AGPS: variants seen among roughly 807,000 people sequenced by gnomAD.
AGPS encodes the protein alkylglycerone phosphate synthase.
A neutral mutation model predicts 90.7 loss-of-function variants in AGPS; 26 were observed. The ratio of observed to expected loss-of-function variants is 0.29; its 90% CI spans 0.21 to 0.40. The LOEUF is 0.40. Ranked by LOEUF, AGPS falls within the 10% of genes least tolerant of loss-of-function variation. The probability of loss-of-function intolerance (pLI) is 1.00; values close to 1 mark genes in which losing one functional copy is unlikely to be tolerated. For missense variants in AGPS, 540 were observed against 816.1 expected (o/e 0.66, Z 4.12); for synonymous variants, 294 against 285.3 (o/e 1.03, Z -0.31).
chr2:177,512,849 T>C (rs1467387228), intron 16 of AGPS, among the ~76,000 whole-genome samples: 17 of 152,210 alleles, frequency 1.1e-4, no homozygotes. Flanking sequence ...ATCATGATTA[T>C]AATTTATTTT....
intron 8 of AGPS, among the ~76,000 whole-genome samples, chr2:177,460,195 TA>T (rs1009093571): frequency 1.7e-4 from 26 of 152,198 alleles, no homozygotes; most frequent in African/African-American, 6.3e-4. Context: ...GGGATAACAT[TA>T]GGAGAAATAC....
rs537140895 is a variant in AGPS, at chr2:177,440,815, A to G, written c.638-150A>G. On this transcript the variant is annotated intron_variant, in intron 5 of 19. Coordinates refer to ENST00000264167, the MANE Select transcript of AGPS (RefSeq NM_003659.4). ...TCAAAATGAAAAGTTAAAAAGGTAAAGTGTTTTAGTACTCAATTAACTCAT... is the reference window on the plus strand; with the variant it reads ...TCAAAATGAAAAGTTAAAAAGGTAAGGTGTTTTAGTACTCAATTAACTCAT... The G allele has an allele frequency of 9.7e-6, 6 of 618,334 alleles. No individual in the cohort carries two copies. The South Asian group carries it at 1.2e-4, about 13-fold the overall frequency. 38.3% of individuals were successfully genotyped at this position (618,334 alleles called of 1,614,324 possible). A position where few individuals can be genotyped will look rare whatever the true frequency, so the allele number is the denominator to read the frequency against.
chr2:177,465,341 T>G (rs1039128119), intron 9 of AGPS, among the ~76,000 whole-genome samples: 1 of 152,102 alleles, frequency 6.6e-6, no homozygotes, highest in African/African-American at 2.4e-5. Flanking sequence ...TTTGAACACT[T>G]TTAACATCTT....
chr2:177,446,569 CAGGAAAACATGAAGAGTT>C, intron 8 of AGPS, among the ~76,000 whole-genome samples: 1 of 152,070 alleles, frequency 6.6e-6, no homozygotes, highest in Non-Finnish European at 1.5e-5. Context: ...AGGATCAAGC[CAGGAAAACATGAAGAGTT>C]CAGATCATAA....
intron 8 of AGPS, among the ~76,000 whole-genome samples, chr2:177,448,504 G>T (rs768708016): frequency 1.3e-5 from 2 of 152,022 alleles, no homozygotes; most frequent in Non-Finnish European, 1.5e-5. Flanking sequence ...TTCAAACTCC[G>T]CATTTTAAAA....
chr2:177,536,080 A>G (rs2079181311), intron 19 of AGPS, among the ~76,000 whole-genome samples: 1 of 152,174 alleles, frequency 6.6e-6, no homozygotes. Flanking sequence ...TTCATTAAAT[A>G]TGCAATGGCT....
chr2:177,434,881 T>C (rs965964615), intron 3 of AGPS, among the ~76,000 whole-genome samples: 1 of 151,196 alleles, frequency 6.6e-6, no homozygotes, highest in African/African-American at 2.4e-5. Context: ...ATATTTAGAA[T>C]ATTTGAAGAA....
At chr2:177,467,274 C>A (rs748378915) in intron 9 of AGPS, among the ~76,000 whole-genome samples, 2 of 152,122 alleles carry the variant, frequency 1.3e-5, no homozygotes, top group Non-Finnish European at 2.9e-5. Context: ...CAGGTTTGCA[C>A]CATTGTTTTT....
At position 177,436,879 on chromosome 2, in the gene AGPS, C is replaced by A; in HGVS notation, c.557C>A (p.Ala186Asp). Residue 186 changes from alanine to aspartate, a missense_variant, in exon 4 of 20, where the codon GCT becomes GAT. By Grantham distance (126) the Ala-to-Asp change is moderately radical (BLOSUM62 -2). Transcript: ENST00000264167. ...SQEADDRVFR[A>D]HGHCLHEIFL... ...GAGGCAGATGATCGAGTATTTAGAGCTCATGGTAAGTTACTTTATATTAGC... is the reference window on the plus strand; with the variant it reads ...GAGGCAGATGATCGAGTATTTAGAGATCATGGTAAGTTACTTTATATTAGC... The A allele has an allele frequency of 6.2e-7, 1 of 1,612,512 alleles. No homozygotes were observed. The highest frequency in any genetic ancestry group is 8.5e-7 in the Non-Finnish European group (1 of 1,178,906).
In AGPS at chr2:177,538,153, T is replaced by C. The variant is rs977477211; in HGVS notation, c.1935T>C (p.Tyr645=). ...GFGMLKSVKE[Y]VDPNNIFGNR... ...GGATGCTGAAGTCTGTCAAGGAATA[T>C]GTGGACCCCAATAACATCTTTGGAA... The change falls in exon 20 of 20, where the codon TAT becomes TAC. Residue 645 remains tyrosine, a synonymous_variant. Coordinates refer to ENST00000264167, the MANE Select transcript of AGPS (RefSeq NM_003659.4). The C allele has an allele frequency of 1.9e-6, 3 of 1,612,910 alleles. No homozygotes were observed. Among genetic ancestry groups the C allele is most frequent in the African/African-American group, 1.3e-5 (1 of 74,854 alleles).
intron 1 of AGPS, chr2:177,393,526 G>A (rs1685085150): frequency 2.0e-6 from 2 of 985,240 alleles, no homozygotes; most frequent in South Asian, 4.7e-5. Flanking sequence ...GTGCTGACTG[G>A]TTTCTGTGGG....
intron 5 of AGPS, among the ~76,000 whole-genome samples, chr2:177,440,203 A>G (rs2105635849): frequency 6.6e-6 from 1 of 152,224 alleles, no homozygotes; most frequent in East Asian, 1.9e-4. Flanking sequence ...TTTAAATAAT[A>G]GGTATTTGAA....
intron 9 of AGPS, among the ~76,000 whole-genome samples, chr2:177,467,517 C>T (rs1687489493): frequency 6.6e-6 from 1 of 152,076 alleles, no homozygotes; most frequent in African/African-American, 2.4e-5. Context: ...AGCCAAATTG[C>T]CCTATAAAAA....
At chr2:177,468,550 G>GA in intron 10 of AGPS, 26 bp downstream of exon 10, 2 of 1,490,974 alleles carry the variant, frequency 1.3e-6, no homozygotes, top group African/African-American at 1.4e-5. Context: ...AATTTATTAA[G>GA]AAAAAATACA....
chr2:177,502,958 T>C (rs955429170), intron 14 of AGPS, among the ~76,000 whole-genome samples: 1 of 152,238 alleles, frequency 6.6e-6, no homozygotes, highest in Non-Finnish European at 1.5e-5. Context: ...ACAGTTTTCA[T>C]GTGCTAGTTT....
chr2:177,480,514 T>C (rs1212280303), intron 10 of AGPS, among the ~76,000 whole-genome samples: 3 of 151,608 alleles, frequency 2.0e-5, no homozygotes, highest in African/African-American at 2.4e-5. Context: ...CACTCATAGG[T>C]GGGAGTTGAA....
chr2:177,450,396 T>C (rs1686903071), intron 8 of AGPS, among the ~76,000 whole-genome samples: 1 of 152,198 alleles, frequency 6.6e-6, no homozygotes, highest in Admixed American at 6.5e-5. Context: ...TTTTCTCCCA[T>C]TTGAGTTTTA....
At chr2:177,440,353 G>A (rs1686564128) in intron 5 of AGPS, among the ~76,000 whole-genome samples, 2 of 152,106 alleles carry the variant, frequency 1.3e-5, no homozygotes. Context: ...GCCTCTAGAT[G>A]TAATGCACTG....
chr2:177,429,272 G>A (rs184139244), intron 2 of AGPS, among the ~76,000 whole-genome samples: 1 of 152,184 alleles, frequency 6.6e-6, no homozygotes, highest in African/African-American at 2.4e-5. Flanking sequence ...TTAGCTCAGC[G>A]AAGTTCGTTA....
Sources: allele counts gnomAD v4.1 joint callset (sites outside exome capture counted in the v4.1 genomes callset), GRCh38; gene constraint gnomAD v4.1.1; transcripts MANE v1.5; gene names NCBI Gene and HGNC (gene_info 2026-07-23, HGNC 2026-07-21).